The following ZNF469 variants were observed in gnomAD, a reference collection of about 807,000 sequenced individuals.
The protein encoded by ZNF469 is zinc finger protein 469.
Under a neutral mutation model 1.0 loss-of-function variants are expected in ZNF469, and 1 was observed. The observed-to-expected ratio is 1.00, with a 90% CI of 0.35 to 4.73. The LOEUF (loss-of-function observed/expected upper bound fraction) is 4.73. ZNF469 is among the 30% of genes most tolerant of loss of function. The pLI is 0.16. For synonymous variants in ZNF469, 2,703 were observed against 2,363.4 expected (o/e 1.14, Z -4.17); for missense variants, 6,100 against 5,356.3 (o/e 1.14, Z -4.33).
At chr16:88,337,682 G>A in the ZNF469 span, among the ~76,000 whole-genome samples, 1 of 152,168 alleles carries the variant, frequency 6.6e-6, no homozygotes, top group Non-Finnish European at 1.5e-5. Context: ...AAGCATCACT[G>A]CACATCTTTA....
upstream of ZNF469, among the ~76,000 whole-genome samples, chr16:88,381,269 G>C (rs1281184350): frequency 3.8e-5 from 4 of 105,132 alleles, no homozygotes; most frequent in Non-Finnish European, 3.9e-5. Flanking sequence ...CACTCACACA[G>C]ACATGCACTC....
Position 88,434,216 on chromosome 16 carries a change from C to G in ZNF469, c.6746C>G (p.Thr2249Ser). ...THSGDTPKDS[T>S]LRIPEDSRKE... The stretch of plus-strand genomic sequence containing the variant: ...AGTGGGGACACCCCCAAAGACAGCA[C>G]TTTAAGAATTCCAGAGGATTCCAGA... The change falls in exon 3 of 3, where the codon ACT becomes AGT. Residue 2249 changes from threonine to serine, a missense_variant. Transcript: ENST00000565624. 6.5e-7 allele frequency: 1 copy of G among 1,550,378 alleles called. No individual in the cohort carries two copies.
rs1178757748 is a variant in ZNF469 at position 88,432,125 on chromosome 16, C to T, written c.4655C>T (p.Ala1552Val). 1 of 1,550,470 alleles carries T rather than the reference C, an allele frequency of 6.4e-7. No homozygotes were observed. Among genetic ancestry groups the T allele is most frequent in the African/African-American group, 1.4e-5 (1 of 73,178 alleles). ...GGGAAGGGGAGTGGATGTAGCGTTG[C>T]TCTTATGAGTCACCTGTCCGAGGAT... ...LPGKGSGCSV[A>V]LMSHLSEDEL... The change falls in exon 3 of 3, where the codon GCT becomes GTT. Residue 1552 changes from alanine (A) to valine (V), a missense_variant. Transcript: ENST00000565624.
the ZNF469 span, among the ~76,000 whole-genome samples, chr16:88,322,476 A>G: frequency 8.5e-5 from 13 of 152,318 alleles, no homozygotes; most frequent in African/African-American, 3.1e-4. Flanking sequence ...GCAGCCACCC[A>G]TGGCAGTGGG....
At chr16:88,326,048 G>C in the ZNF469 span, among the ~76,000 whole-genome samples, 1 of 152,254 alleles carries the variant, frequency 6.6e-6, no homozygotes, top group Non-Finnish European at 1.5e-5. Flanking sequence ...GCAGAGAGGA[G>C]GGGCTGCCAA....
chr16:88,406,816 T>C (rs1374756661), intron 1 of ZNF469, among the ~76,000 whole-genome samples: 1 of 152,270 alleles, frequency 6.6e-6, no homozygotes, highest in Non-Finnish European at 1.5e-5. Context: ...AGTGTTTTGC[T>C]TTCTTGGTTG....
the ZNF469 span, among the ~76,000 whole-genome samples, chr16:88,281,391 A>G: frequency 2.1e-3 from 306 of 147,034 alleles, 2 homozygotes; most frequent in African/African-American, 7.6e-3. Flanking sequence ...ATATCAGTGC[A>G]TGGGTAAGTG....
chr16:88,145,941 C>T, the ZNF469 span, among the ~76,000 whole-genome samples: 5 of 152,322 alleles, frequency 3.3e-5, no homozygotes, highest in South Asian at 2.1e-4. Flanking sequence ...GGGAAGTGGC[C>T]GAGAAGCTGG....
the ZNF469 span, among the ~76,000 whole-genome samples, chr16:88,345,405 C>G: frequency 6.6e-6 from 1 of 152,152 alleles, no homozygotes; most frequent in Non-Finnish European, 1.5e-5. Context: ...GTAAGCAGCT[C>G]CGTGTGGCCC....
the ZNF469 span, among the ~76,000 whole-genome samples, chr16:88,313,060 C>G: frequency 6.6e-6 from 1 of 152,226 alleles, no homozygotes; most frequent in Non-Finnish European, 1.5e-5. Flanking sequence ...GGCTCCTGGT[C>G]AGGGTCACGG....
chr16:88,128,413 T>G, the ZNF469 span, among the ~76,000 whole-genome samples: 1 of 152,328 alleles, frequency 6.6e-6, no homozygotes, highest in South Asian at 2.1e-4. Context: ...AATAACCAAC[T>G]GGTTGAATTA....
the ZNF469 span, among the ~76,000 whole-genome samples, chr16:88,175,107 C>A: frequency 1.3e-5 from 2 of 152,118 alleles, no homozygotes; most frequent in Non-Finnish European, 2.9e-5. Context: ...TAAGATCTTC[C>A]GACTGATTCA....
At chr16:88,380,537 G>T (rs549555545), upstream of ZNF469, among the ~76,000 whole-genome samples, 3 of 70,852 alleles carry the variant, frequency 4.2e-5, no homozygotes, top group Non-Finnish European at 5.6e-5. Flanking sequence ...TAACACACAC[G>T]CACTAACACA....
the ZNF469 span, among the ~76,000 whole-genome samples, chr16:88,350,396 C>CT: frequency 6.6e-6 from 1 of 152,278 alleles, no homozygotes; most frequent in Non-Finnish European, 1.5e-5. Context: ...GCGCACCCAC[C>CT]TCCCTTGGCC....
At chr16:88,116,133 G>A in the ZNF469 span, among the ~76,000 whole-genome samples, 5 of 152,202 alleles carry the variant, frequency 3.3e-5, no homozygotes, top group African/African-American at 9.6e-5. Context: ...AAACTCAACC[G>A]TGAAAAAACA....
upstream of ZNF469, among the ~76,000 whole-genome samples, chr16:88,381,155 C>G (rs561445152): frequency 6.8e-6 from 1 of 147,470 alleles, no homozygotes; most frequent in East Asian, 2.1e-4. Context: ...CACACTCACA[C>G]ACAGACACGC....
chr16:88,136,495 C>G, the ZNF469 span, among the ~76,000 whole-genome samples: 1 of 152,226 alleles, frequency 6.6e-6, no homozygotes, highest in African/African-American at 2.4e-5. Context: ...TAACCCCAGG[C>G]CTGGTTGACC....
the ZNF469 span, among the ~76,000 whole-genome samples, chr16:88,208,777 G>GCACACACACA: frequency 1.5e-3 from 194 of 130,026 alleles, no homozygotes; most frequent in Middle Eastern, 4.3e-3. Flanking sequence ...GCGCGTGCGC[G>GCACACACACA]CGCACACACA....
chr16:88,267,214 T>C, the ZNF469 span, among the ~76,000 whole-genome samples: 1 of 152,222 alleles, frequency 6.6e-6, no homozygotes, highest in Non-Finnish European at 1.5e-5. Flanking sequence ...ATTTATACCT[T>C]GCTGCCGAGG....
Sources: gnomAD v4.1 joint callset for allele counts (sites outside exome capture counted in the v4.1 genomes callset) on GRCh38, gnomAD v4.1.1 for gene constraint, MANE v1.5 for transcripts, NCBI Gene and HGNC (gene_info 2026-07-23, HGNC 2026-07-21) for gene names.